The following NUBP1 variants were observed in gnomAD, a reference collection of about 807,000 sequenced individuals.
NUBP1 encodes cytosolic Fe-S cluster assembly factor NUBP1.
Under a neutral mutation model 41.8 loss-of-function variants are expected in NUBP1, and 46 were observed. The observed-to-expected ratio is 1.10, with a 90% confidence interval of 0.87 to 1.41. The LOEUF (loss-of-function observed/expected upper bound fraction) is 1.41. Among genes scored for constraint, NUBP1 ranks in the 40% most tolerant of loss-of-function variants. The pLI, the probability that NUBP1 is intolerant of heterozygous loss-of-function variation, is 0.00. For missense variants in NUBP1, 494 were observed against 414.0 expected, an observed-to-expected ratio of 1.19 and a Z score of -1.68; for synonymous variants, 189 against 154.6, an observed-to-expected ratio of 1.22 and a Z score of -1.65.
chr16:10,756,035 G>C (rs1483621487), intron 5 of NUBP1, among the ~76,000 whole-genome samples: 3 of 152,198 alleles, frequency 2.0e-5, no homozygotes, highest in African/African-American at 2.4e-5. Flanking sequence ...AAACACAGAT[G>C]GTGGGCCAGA....
Position 10,757,158 on chromosome 16 carries a change from G to A in NUBP1, c.451+378G>A, listed in dbSNP as rs1219661684. 6.6e-6 allele frequency among the ~76,000 whole-genome samples: 1 copy of A among 151,958 alleles called. No individual in the cohort carries two copies. The highest frequency in any genetic ancestry group is 1.5e-5 in the Non-Finnish European group (1 of 67,996). ...CTACCAAAAACATAAAAAATTAGCC[G>A]AGCATGGTGGCACGTACCTGTAATC... On this transcript the variant is annotated intron_variant, in intron 6 of 10. Transcript: ENST00000283027. This position sits in a 1 kb window ranked among gnomAD's most constrained non-coding sequence, Gnocchi z 4.1.
At position 10,768,970 on chromosome 16, in the gene NUBP1, C is replaced by A; in HGVS notation, c.905-77C>A. 2 of 1,320,222 alleles carry A rather than the reference C, an allele frequency of 1.5e-6. No homozygotes were observed. Among genetic ancestry groups the A allele is most frequent in the Admixed American group, 1.8e-5 (1 of 56,790 alleles). The allele number at this position is 1,320,222 out of a possible 1,614,324, so 81.8% of individuals were successfully genotyped here. On this transcript the variant is annotated intron_variant, in intron 10 of 10. Transcript: ENST00000283027. The surrounding 1 kb of genome is among the most constrained non-coding windows in gnomAD (Gnocchi z 4.3). ...GGATTCCACCCCTGTCAAAACACAG[C>A]CCTCCCCAGCACAGGACAGGGCTGT...
intron 5 of NUBP1, 36 bp downstream of exon 5, chr16:10,755,789 G>A: frequency 1.3e-6 from 2 of 1,598,150 alleles, no homozygotes; most frequent in Non-Finnish European, 1.7e-6. Context: ...TTTCACAGTA[G>A]TGTGTGGTTG....
In NUBP1 at chr16:10,768,924, C is replaced by G. The variant is rs1304446386; in HGVS notation, c.905-123C>G. The G allele has an allele frequency of 2.5e-6, 2 of 801,218 alleles. No individual in the cohort carries two copies. The highest frequency in any genetic ancestry group is 4.2e-6 in the Non-Finnish European group (2 of 479,030). The allele number at this position is 801,218 out of a possible 1,614,324, so 49.6% of individuals were successfully genotyped here. A position where few individuals can be genotyped will look rare whatever the true frequency, so the allele number is the denominator to read the frequency against. ...GACTCAGGGCATCACAGACACAGGT[C>G]TTTTTATGGAACTAGCCAGAGGATT... On this transcript the variant is annotated intron_variant, in intron 10 of 10. Coordinates refer to ENST00000283027, the MANE Select transcript of NUBP1 (RefSeq NM_002484.4). The surrounding 1 kb of genome is among the most constrained non-coding windows in gnomAD (Gnocchi z 4.3).
chr16:10,750,064 G>A (rs901107744), intron 3 of NUBP1, among the ~76,000 whole-genome samples: 5 of 152,090 alleles, frequency 3.3e-5, no homozygotes, highest in African/African-American at 9.7e-5. Flanking sequence ...CAGGTGTGGT[G>A]GTAAGCACCT....
At position 10,752,534 on chromosome 16, in the gene NUBP1, G is replaced by A. The variant is rs80212873; in HGVS notation, c.259-76G>A. 2.1e-4 allele frequency: 246 copies of A among 1,191,104 alleles called. No individual in the cohort carries two copies. In the African/African-American group the frequency reaches 3.0e-3, roughly 14 times the overall value. 73.8% of individuals were successfully genotyped at this position (1,191,104 alleles called of 1,614,324 possible). ...TCCCCTGTCCTTTTCCTCTAACCCC[G>A]CTCCCCTCCTAGTTGTGTGTGTCTG... On this transcript the variant is annotated intron_variant, in intron 3 of 10. Transcript: ENST00000283027.
intron 4 of NUBP1, among the ~76,000 whole-genome samples, chr16:10,755,378 A>T (rs1900502571): frequency 1.3e-5 from 2 of 152,162 alleles, no homozygotes; most frequent in African/African-American, 4.8e-5. Flanking sequence ...ATTGCTCCAC[A>T]GGTATCTGCA....
chr16:10,747,084 G>A (rs1900096155), intron 2 of NUBP1, 59 bp from the exon 3 acceptor site: 2 of 1,600,376 alleles, frequency 1.2e-6, no homozygotes, highest in East Asian at 2.2e-5. Context: ...TTGACTGGAA[G>A]CGTGACATTC....
At chr16:10,754,214 G>GTTTATTTTAT (rs201160711) in intron 4 of NUBP1, among the ~76,000 whole-genome samples, 5,022 of 146,060 alleles carry the variant, frequency 0.034, 284 homozygotes, top group African/African-American at 0.11. Flanking sequence ...GTTTTGTGGG[G>GTTTATTTTAT]TTTATTTTAT....
intron 7 of NUBP1, among the ~76,000 whole-genome samples, chr16:10,758,696 G>C (rs1331646916): frequency 6.6e-6 from 1 of 152,198 alleles, no homozygotes; most frequent in African/African-American, 2.4e-5. Flanking sequence ...AGGTCCCCCA[G>C]CCTACAGTGG....
chr16:10,758,997 T>C (rs1900761045), intron 7 of NUBP1, among the ~76,000 whole-genome samples: 1 of 152,186 alleles, frequency 6.6e-6, no homozygotes, highest in African/African-American at 2.4e-5. Flanking sequence ...CTGAGGGCTC[T>C]TCTCCATCTC....
Position 10,757,873 on chromosome 16 carries a change from G to A in NUBP1, c.452G>A (p.Gly151Asp). 1 of 1,613,348 alleles carries A rather than the reference G, an allele frequency of 6.2e-7. No homozygotes were observed. Among genetic ancestry groups the A allele is most frequent in the South Asian group, 1.1e-5 (1 of 91,060 alleles). The change falls in exon 7 of 11, where the codon GGC (glycine) becomes GAC (aspartate). Residue 151 changes from glycine to aspartate, a missense_variant and splice_region_variant. Transcript: ENST00000283027. The surrounding 1 kb of genome is among the most constrained non-coding windows in gnomAD (Gnocchi z 4.1). The part of the protein sequence containing the change: ...AVIWRGPKKN[G>D]MIKQFLRDVD... ...ATCCCCTGTGGATTCCTCTTTCTAG[G>A]CATGATCAAGCAGTTCCTCCGAGAT...
chr16:10,756,432 T>G (rs1900559403), intron 5 of NUBP1, among the ~76,000 whole-genome samples: 2 of 151,732 alleles, frequency 1.3e-5, no homozygotes, highest in African/African-American at 2.4e-5. Context: ...TTTACTTATT[T>G]TAGCTGAGTT....
At chr16:10,760,228 C>T (rs1263676482) in intron 7 of NUBP1, among the ~76,000 whole-genome samples, 1 of 152,210 alleles carries the variant, frequency 6.6e-6, no homozygotes, top group African/African-American at 2.4e-5. Context: ...CGTTGCGGAC[C>T]CCACGGTCCC....
intron 7 of NUBP1, among the ~76,000 whole-genome samples, 180 bp downstream of exon 7, chr16:10,758,207 A>G (rs1303378900): frequency 6.6e-6 from 1 of 151,854 alleles, no homozygotes; most frequent in African/African-American, 2.4e-5. Flanking sequence ...ACAGTGATTC[A>G]CACCTGTAAT....
At chr16:10,760,785 G>A (rs1172165474) in intron 7 of NUBP1, 1 of 152,346 alleles carries the variant, frequency 6.6e-6, no homozygotes, top group Non-Finnish European at 1.5e-5. Flanking sequence ...ATTTGGCTGT[G>A]TGGGAAGTAA....
chr16:10,757,497 T>C lies in NUBP1; in HGVS notation c.452-376T>C, dbSNP rs1900637140. The stretch of plus-strand genomic sequence containing the variant: ...CTTTGTTGGGGGGAGGAGTAGACCG[T>C]GTTCTACACCATAGGGTGTTAAACA... On this transcript the variant is annotated intron_variant, in intron 6 of 10. Coordinates refer to ENST00000283027, the MANE Select transcript of NUBP1 (RefSeq NM_002484.4). The surrounding 1 kb of genome is among the most constrained non-coding windows in gnomAD (Gnocchi z 4.1). Among the ~76,000 whole-genome samples the C allele has an allele frequency of 6.6e-6, 1 of 150,460 alleles. No homozygotes were observed.
At chr16:10,746,000 G>T (rs139422161) in intron 2 of NUBP1, among the ~76,000 whole-genome samples, 1 of 152,188 alleles carries the variant, frequency 6.6e-6, no homozygotes, top group African/African-American at 2.4e-5. Flanking sequence ...AGATTTAGGG[G>T]CCAGCAAAGG....
At chr16:10,758,436 G>A (rs1455225251) in intron 7 of NUBP1, among the ~76,000 whole-genome samples, 1 of 152,220 alleles carries the variant, frequency 6.6e-6, no homozygotes, top group Non-Finnish European at 1.5e-5. Context: ...TCACGCCAGT[G>A]CAGTCCAGCC....
Sources: gnomAD v4.1 joint callset for allele counts (sites outside exome capture counted in the v4.1 genomes callset) on GRCh38, gnomAD v4.1.1 for gene constraint, Gnocchi (gnomAD v3.1) non-coding constraint, MANE v1.5 for transcripts, NCBI Gene and HGNC (gene_info 2026-07-23, HGNC 2026-07-21) for gene names.